The following PTPRN2 variants were observed in gnomAD, a reference collection of about 807,000 sequenced individuals.
PTPRN2 encodes the protein receptor-type tyrosine-protein phosphatase N2.
Under a neutral mutation model 118.8 loss-of-function variants are expected in PTPRN2, and 74 were observed. That is an observed-to-expected ratio of 0.62 (90% CI 0.52 to 0.76). The LOEUF (loss-of-function observed/expected upper bound fraction) is 0.76. PTPRN2 is among the 30% of genes least tolerant of loss of function. PTPRN2 has a pLI of 0.00. For missense variants in PTPRN2, 1,481 were observed against 1,394.4 expected (o/e 1.06, Z -0.99); for synonymous variants, 641 against 608.0 (o/e 1.05, Z -0.80).
At chr7:158,306,848 GTTTTTTGTTT>G (rs1563111877) in intron 3 of PTPRN2, among the ~76,000 whole-genome samples, 2 of 113,578 alleles carry the variant, frequency 1.8e-5, no homozygotes, top group African/African-American at 6.1e-5. Context: ...TAAATGAGCT[GTTTTTTGTTT>G]TTTTTTTTTT....
At chr7:158,127,893 G>C (rs111643532) in intron 9 of PTPRN2, among the ~76,000 whole-genome samples, 16 of 152,254 alleles carry the variant, frequency 1.1e-4, no homozygotes, top group Non-Finnish European at 2.2e-4. Context: ...CCTGCCCTTC[G>C]TCCAGTCTTC....
rs1452408214 is a variant in PTPRN2 at position 157,603,504 on chromosome 7, A to G, written c.2418+498T>C. Reference sequence around the variant, plus strand: ...CTGCGTCTATCCCAGGGGGAGGAACAGCCAGCAAACGGTCTCTTTCATAAG... The same window carrying G: ...CTGCGTCTATCCCAGGGGGAGGAACGGCCAGCAAACGGTCTCTTTCATAAG... On this transcript the variant is annotated intron_variant, in intron 16 of 22. Transcript: ENST00000389418. The surrounding 1 kb of genome is among the most constrained non-coding windows in gnomAD (Gnocchi z 5.4). 6.6e-6 allele frequency among the ~76,000 whole-genome samples: 1 copy of G among 152,234 alleles called. No homozygotes were observed. The highest frequency in any genetic ancestry group is 1.5e-5 in the Non-Finnish European group (1 of 68,040).
In PTPRN2 at chr7:158,010,785, A is replaced by T. The variant is rs187963386; in HGVS notation, c.1723+70513T>A. On this transcript the variant is annotated intron_variant, in intron 11 of 22. Transcript: ENST00000389418. ...CTCTGCTGCCTTACACACAGTAAACAAAAGTTAATTTATTCCTGATGACTA... is the reference window on the plus strand; with the variant it reads ...CTCTGCTGCCTTACACACAGTAAACTAAAGTTAATTTATTCCTGATGACTA... 4.3e-3 allele frequency among the ~76,000 whole-genome samples: 651 copies of T among 152,340 alleles called. 7 individuals carry two copies. Among genetic ancestry groups the T allele is most frequent in the Admixed American group, 6.4e-3 (98 of 15,312 alleles).
At chr7:158,451,131 G>A (rs1400495155) in intron 2 of PTPRN2, among the ~76,000 whole-genome samples, 3 of 152,208 alleles carry the variant, frequency 2.0e-5, no homozygotes, top group African/African-American at 7.2e-5. Context: ...GTATTTCTCA[G>A]TCATTTGAAT....
At position 157,903,436 on chromosome 7, in the gene PTPRN2, T is replaced by G. The variant is rs1797584436; in HGVS notation, c.1724-4699A>C. 6.6e-6 allele frequency among the ~76,000 whole-genome samples: 1 copy of G among 151,968 alleles called. No homozygotes were observed. Among genetic ancestry groups the G allele is most frequent in the African/African-American group, 2.4e-5 (1 of 41,358 alleles). On this transcript the variant is annotated intron_variant, in intron 11 of 22. Coordinates refer to ENST00000389418, the MANE Select transcript of PTPRN2 (RefSeq NM_002847.5). The surrounding 1 kb of genome is among the most constrained non-coding windows in gnomAD (Gnocchi z 4.2). Reference sequence around the variant, plus strand: ...CCTCAGCACCACCAGTATACCCAGGTCACAAGCCTGCACATGTACTCCCAG... The same window carrying G: ...CCTCAGCACCACCAGTATACCCAGGGCACAAGCCTGCACATGTACTCCCAG...
chr7:157,738,982 G>A (rs1233059232), intron 12 of PTPRN2: 1 of 152,206 alleles, frequency 6.6e-6, no homozygotes, highest in African/African-American at 2.4e-5. Context: ...ATTTAACTTC[G>A]CATTAGGGGT....
chr7:158,080,314 CAAA>C (rs556546951), intron 11 of PTPRN2, among the ~76,000 whole-genome samples: 891 of 72,142 alleles, frequency 0.012, 13 homozygotes, highest in Non-Finnish European at 0.018. Context: ...CAAATTTAAG[CAAA>C]AAAAAAAAAA....
rs1235139478 is a variant in PTPRN2, at chr7:157,611,236, A to G, written c.2345-7161T>C. 6.6e-6 allele frequency among the ~76,000 whole-genome samples: 1 copy of G among 152,108 alleles called. No homozygotes were observed. The highest frequency in any genetic ancestry group is 1.5e-5 in the Non-Finnish European group (1 of 68,022). The stretch of plus-strand genomic sequence containing the variant: ...CATCCCCCACAGACAGATCTCTCAG[A>G]AAGTCGCCCCCCAATGGGATCGGAA... On this transcript the variant is annotated intron_variant, in intron 15 of 22. Coordinates refer to ENST00000389418, the MANE Select transcript of PTPRN2 (RefSeq NM_002847.5). The surrounding 1 kb of genome is among the most constrained non-coding windows in gnomAD (Gnocchi z 5.9).
chr7:158,506,430 G>A (rs1822751260), intron 1 of PTPRN2, among the ~76,000 whole-genome samples: 1 of 152,168 alleles, frequency 6.6e-6, no homozygotes, highest in South Asian at 2.1e-4. Flanking sequence ...AGGTGTGGTG[G>A]CAATTGTGCA....
Position 157,632,432 on chromosome 7 carries a change from C to T in PTPRN2, c.2197-10923G>A, listed in dbSNP as rs958337840. ...CAATGGAAGATGTTAATAGTGAACA[C>T]ATTGTGTTCTAGAAATGTTCTAATT... is the stretch of plus-strand genomic sequence containing the variant. On this transcript the variant is annotated intron_variant, in intron 14 of 22. Coordinates refer to ENST00000389418, the MANE Select transcript of PTPRN2 (RefSeq NM_002847.5). The surrounding 1 kb of genome is among the most constrained non-coding windows in gnomAD (Gnocchi z 4.3). Among the ~76,000 whole-genome samples, 1 of 152,220 alleles carries T rather than the reference C, an allele frequency of 6.6e-6. No homozygotes were observed. The highest frequency in any genetic ancestry group is 6.5e-5 in the Admixed American group (1 of 15,290).
chr7:157,572,738 C>T (rs941578573), intron 19 of PTPRN2, among the ~76,000 whole-genome samples: 6 of 152,248 alleles, frequency 3.9e-5, no homozygotes, highest in Admixed American at 3.3e-4. Context: ...GGCGTGCCCA[C>T]CTGCAGATGG....
intron 11 of PTPRN2, among the ~76,000 whole-genome samples, chr7:158,067,489 A>G (rs954821834): frequency 4.8e-4 from 73 of 151,800 alleles, no homozygotes; most frequent in African/African-American, 1.7e-3. Flanking sequence ...CATGTTCTGA[A>G]CCTCTGGGGT....
At chr7:158,348,308 T>C (rs1165239381) in intron 2 of PTPRN2, among the ~76,000 whole-genome samples, 2 of 148,592 alleles carry the variant, frequency 1.3e-5, no homozygotes, top group Non-Finnish European at 3.0e-5. Flanking sequence ...GGTTCCCCAT[T>C]CACAGCCCCA....
chr7:157,722,381 T>G (rs958933768), intron 12 of PTPRN2, among the ~76,000 whole-genome samples: 2 of 152,146 alleles, frequency 1.3e-5, no homozygotes, highest in African/African-American at 2.4e-5. Context: ...TCATGTCAGA[T>G]GGAGCCAGGG....
intron 9 of PTPRN2, among the ~76,000 whole-genome samples, chr7:158,122,876 G>C (rs1333288895): frequency 6.6e-6 from 1 of 152,156 alleles, no homozygotes; most frequent in Non-Finnish European, 1.5e-5. Flanking sequence ...AAGGAAGCCT[G>C]CATAAAACTT....
chr7:158,146,687 C>T (rs1233141994), intron 6 of PTPRN2, among the ~76,000 whole-genome samples: 2 of 146,748 alleles, frequency 1.4e-5, no homozygotes, highest in Admixed American at 6.8e-5. Flanking sequence ...CGCCACTGCA[C>T]TCCAGCCTGG....
intron 14 of PTPRN2, among the ~76,000 whole-genome samples, chr7:157,637,247 A>T (rs918097420): frequency 6.6e-6 from 1 of 152,232 alleles, no homozygotes; most frequent in Non-Finnish European, 1.5e-5. Context: ...AACAGATCAT[A>T]GGAAAAGAGG....
rs146146844 is a variant in PTPRN2, at chr7:158,315,840, C to T, written c.277+979G>A. 1.7e-3 allele frequency among the ~76,000 whole-genome samples: 257 copies of T among 152,328 alleles called. 2 individuals are homozygous for T. The highest frequency in any genetic ancestry group is 5.4e-3 in the African/African-American group (226 of 41,562). ...GTGTGAATGTTCTCCAAAGAGTGAC[C>T]TCAGCAGAGGAGGATTTTAATAACC... On this transcript the variant is annotated intron_variant, in intron 3 of 22. Transcript: ENST00000389418.
intron 10 of PTPRN2, among the ~76,000 whole-genome samples, chr7:158,088,336 A>C (rs867168279): frequency 3.4e-5 from 1 of 29,060 alleles, no homozygotes. Flanking sequence ...CTTCACACAA[A>C]CCTTCCTCCC....
Sources: gnomAD v4.1 joint callset for allele counts (sites outside exome capture counted in the v4.1 genomes callset) on GRCh38, gnomAD v4.1.1 for gene constraint, Gnocchi (gnomAD v3.1) non-coding constraint, MANE v1.5 for transcripts, NCBI Gene and HGNC (gene_info 2026-07-23, HGNC 2026-07-21) for gene names.